The following PDE6A variants were observed in gnomAD, a reference collection of about 807,000 sequenced individuals.
PDE6A encodes the protein phosphodiesterase 6A.
A neutral mutation model predicts 106.3 loss-of-function variants in PDE6A; 84 were observed. The observed-to-expected ratio is 0.79, with a 90% confidence interval of 0.66 to 0.95. The LOEUF is 0.95. PDE6A is among the 40% of genes least tolerant of loss of function. The pLI is 0.00. For synonymous variants in PDE6A, 394 were observed against 386.6 expected (o/e 1.02, Z -0.23); for missense variants, 1,052 against 1,084.9 (o/e 0.97, Z 0.43).
intron 17 of PDE6A, among the ~76,000 whole-genome samples, chr5:149,883,172 A>T: frequency 6.6e-6 from 1 of 152,254 alleles, no homozygotes; most frequent in East Asian, 1.9e-4. Flanking sequence ...TTATGATTGA[A>T]CTACTTCAAA....
At chr5:149,865,254 A>AG in intron 20 of PDE6A, among the ~76,000 whole-genome samples, 1 of 151,184 alleles carries the variant, frequency 6.6e-6, no homozygotes, top group East Asian at 1.9e-4. Flanking sequence ...AAAAAAAAAA[A>AG]AAAAATTTAG....
At chr5:149,930,593 T>A (rs941222794) in intron 4 of PDE6A, among the ~76,000 whole-genome samples, 2 of 152,240 alleles carry the variant, frequency 1.3e-5, no homozygotes, top group Admixed American at 1.3e-4. Context: ...AGGGACCCGA[T>A]GTCGGCATCT....
chr5:149,915,590 C>G (rs1159925355), intron 5 of PDE6A, among the ~76,000 whole-genome samples: 2 of 152,096 alleles, frequency 1.3e-5, no homozygotes, highest in Non-Finnish European at 2.9e-5. Flanking sequence ...AGGCAGCTCA[C>G]AGTGATCAGG....
At chr5:149,884,027 T>C (rs151099582) in intron 16 of PDE6A, among the ~76,000 whole-genome samples, 46 of 151,966 alleles carry the variant, frequency 3.0e-4, no homozygotes, top group African/African-American at 1.1e-3. Context: ...AACCCATCTT[T>C]ACAGCAAATT....
At chr5:149,881,352 T>C (rs1220238628) in intron 17 of PDE6A, among the ~76,000 whole-genome samples, 2 of 152,136 alleles carry the variant, frequency 1.3e-5, no homozygotes, top group East Asian at 3.8e-4. Flanking sequence ...ACCTAGGTGC[T>C]CATCAACGGT....
chr5:149,907,143 G>A (rs1173614574), intron 7 of PDE6A, among the ~76,000 whole-genome samples, 169 bp downstream of exon 7: 2 of 152,182 alleles, frequency 1.3e-5, no homozygotes, highest in Non-Finnish European at 2.9e-5. Flanking sequence ...TCAATTATCT[G>A]TTCATTCATT....
At chr5:149,884,990 G>A (rs1752228847) in intron 14 of PDE6A, 123 bp from the exon 15 acceptor site, 5 of 777,080 alleles carry the variant, frequency 6.4e-6, no homozygotes, top group Non-Finnish European at 6.6e-6. Flanking sequence ...TTTGGGTCGT[G>A]AACTCATTAG....
intron 14 of PDE6A, among the ~76,000 whole-genome samples, chr5:149,885,485 G>A (rs756133427): frequency 3.5e-4 from 53 of 152,238 alleles, no homozygotes; most frequent in Admixed American, 3.4e-3. Context: ...TGGGCTGTCT[G>A]AAATATAAGC....
chr5:149,873,862 C>T (rs1400120441), intron 17 of PDE6A, among the ~76,000 whole-genome samples: 1 of 151,818 alleles, frequency 6.6e-6, no homozygotes, highest in Non-Finnish European at 1.5e-5. Flanking sequence ...AATATCTTGA[C>T]CCTAGATTAA....
intron 21 of PDE6A, among the ~76,000 whole-genome samples, chr5:149,861,906 C>T (rs1035376734): frequency 6.6e-6 from 1 of 152,216 alleles, no homozygotes; most frequent in Non-Finnish European, 1.5e-5. Flanking sequence ...TCCCAGGATA[C>T]CTCACTGCCA....
Position 149,898,512 on chromosome 5 carries a change from A to G in PDE6A, c.1264-6T>C. Reference sequence around the variant, plus strand: ...CCCAGAAATTGAGTCAAAGACTGAAAAAGAAAGAAAGGAGGAATCAGAGAC... The same window carrying G: ...CCCAGAAATTGAGTCAAAGACTGAAGAAGAAAGAAAGGAGGAATCAGAGAC... On this transcript the variant is annotated splice_polypyrimidine_tract_variant and splice_region_variant and intron_variant, in intron 9 of 21. Transcript: ENST00000255266. 2 of 1,612,226 alleles carry G rather than the reference A, an allele frequency of 1.2e-6. No individual in the cohort carries two copies. The highest frequency in any genetic ancestry group is 4.5e-5 in the East Asian group (2 of 44,888).
intron 19 of PDE6A, 43 bp downstream of exon 19, chr5:149,867,682 G>A (rs1561678975): frequency 1.3e-6 from 2 of 1,545,134 alleles, no homozygotes; most frequent in Admixed American, 1.7e-5. Context: ...TCAGGATGGA[G>A]CACACACACC....
intron 13 of PDE6A, among the ~76,000 whole-genome samples, chr5:149,889,906 CA>C (rs577626508): frequency 0.12 from 9,705 of 81,640 alleles, 387 homozygotes; most frequent in South Asian, 0.24. Flanking sequence ...GACTCTGTCT[CA>C]AAAAAAAAAA....
chr5:149,924,929 C>T (rs929938974), intron 4 of PDE6A, among the ~76,000 whole-genome samples: 1 of 152,118 alleles, frequency 6.6e-6, no homozygotes, highest in African/African-American at 2.4e-5. Flanking sequence ...AGGAGAGACC[C>T]TTGAAAACAC....
chr5:149,924,161 A>T (rs1311787803), intron 4 of PDE6A, among the ~76,000 whole-genome samples: 1 of 152,216 alleles, frequency 6.6e-6, no homozygotes, highest in Non-Finnish European at 1.5e-5. Context: ...CACAGTTTGT[A>T]TCCTGGAAGA....
chr5:149,867,800 C>G lies in PDE6A; in HGVS notation c.2200-1G>C. 2.5e-6 allele frequency: 4 copies of G among 1,612,624 alleles called. No individual in the cohort carries two copies. Among genetic ancestry groups the G allele is most frequent in the Non-Finnish European group, 3.4e-6 (4 of 1,179,924 alleles). On this transcript the variant is annotated splice_acceptor_variant, in intron 18 of 21. Transcript: ENST00000255266. LOFTEE classifies it high-confidence loss of function. Reference sequence around the variant, plus strand: ...ATTCAGCAGCCACCAGCAGAGCTACCTGCAACAGACAGACCCTCACACACG... The same window carrying G: ...ATTCAGCAGCCACCAGCAGAGCTACGTGCAACAGACAGACCCTCACACACG...
intron 5 of PDE6A, among the ~76,000 whole-genome samples, chr5:149,919,446 T>G (rs1484090547): frequency 6.6e-6 from 1 of 152,178 alleles, no homozygotes; most frequent in African/African-American, 2.4e-5. Flanking sequence ...AGGCGGAGGT[T>G]GCAGTGAGCT....
intron 8 of PDE6A, among the ~76,000 whole-genome samples, chr5:149,899,766 G>A (rs1014636045): frequency 2.0e-5 from 3 of 152,190 alleles, no homozygotes; most frequent in Non-Finnish European, 4.4e-5. Context: ...GCCAGTGTGT[G>A]TCAGGCAGTG....
chr5:149,910,034 T>A (rs1753326675), intron 6 of PDE6A, among the ~76,000 whole-genome samples: 1 of 152,220 alleles, frequency 6.6e-6, no homozygotes, highest in African/African-American at 2.4e-5. Flanking sequence ...TTCATCTATA[T>A]CTCCTTGTAT....
Sources: gnomAD v4.1 joint callset for allele counts (sites outside exome capture counted in the v4.1 genomes callset) on GRCh38, gnomAD v4.1.1 for gene constraint, MANE v1.5 for transcripts, NCBI Gene and HGNC (gene_info 2026-07-23, HGNC 2026-07-21) for gene names.